COL28A1: variants seen among roughly 807,000 people sequenced by gnomAD.
COL28A1 encodes the protein collagen type XXVIII alpha 1 chain.
COL28A1 carries 161 observed loss-of-function variants against 150.2 expected under a neutral mutation model. The observed-to-expected ratio is 1.07, with a 90% CI of 0.94 to 1.22. The LOEUF (loss-of-function observed/expected upper bound fraction) is 1.22. Ranked by LOEUF, COL28A1 falls within the 50% of genes most tolerant of loss-of-function variation. The pLI, the probability that COL28A1 is intolerant of heterozygous loss-of-function variation, is 0.00. For synonymous variants in COL28A1, 552 were observed against 469.7 expected (o/e 1.18, Z -2.26); for missense variants, 1,617 against 1,388.3 (o/e 1.16, Z -2.62).
intron 18 of COL28A1, among the ~76,000 whole-genome samples, chr7:7,445,299 A>G (rs1786164369): frequency 6.6e-6 from 1 of 152,200 alleles, no homozygotes; most frequent in African/African-American, 2.4e-5. Flanking sequence ...GTGATAAGAG[A>G]GGCAAAGACT....
In COL28A1 at chr7:7,373,832, T is replaced by A. The variant is rs1014075753; in HGVS notation, c.2360-286A>T. Among the ~76,000 whole-genome samples the A allele has an allele frequency of 6.6e-6, 1 of 151,536 alleles. No individual in the cohort carries two copies. The highest frequency in any genetic ancestry group is 1.5e-5 in the Non-Finnish European group (1 of 67,920). Reference sequence around the variant, plus strand: ...CTCCAGCCTCAGCCTCCCGAGTAGCTGGGACTACAGGCGCCCGCCACCTCG... The same window carrying A: ...CTCCAGCCTCAGCCTCCCGAGTAGCAGGGACTACAGGCGCCCGCCACCTCG... On this transcript the variant is annotated intron_variant, in intron 31 of 34. Coordinates refer to ENST00000399429, the MANE Select transcript of COL28A1 (RefSeq NM_001037763.3). The surrounding 1 kb of genome is among the most constrained non-coding windows in gnomAD (Gnocchi z 4.1).
At chr7:7,395,861 T>A (rs1224657426) in intron 27 of COL28A1, among the ~76,000 whole-genome samples, 5 of 152,182 alleles carry the variant, frequency 3.3e-5, no homozygotes, top group African/African-American at 1.2e-4. Context: ...TTATTGCTAA[T>A]TAGGAACCGG....
In COL28A1 at chr7:7,419,909, C is replaced by T. The variant is rs920778611; in HGVS notation, c.2043G>A (p.Arg681=). Reference sequence around the variant, plus strand: ...CCTTTGGCCCTTGGGTTCCTACGCCCCGAGGCCCAGAAGGACCTGGAGGGC... The same window carrying T: ...CCTTTGGCCCTTGGGTTCCTACGCCTCGAGGCCCAGAAGGACCTGGAGGGC... ...VRGPPGPSGP[R]GVGTQGPKGD... The change falls in exon 26 of 35, where the codon CGG becomes CGA. Residue 681 remains arginine, a synonymous_variant. Transcript: ENST00000399429. 1.9e-6 allele frequency: 3 copies of T among 1,602,366 alleles called. No homozygotes were observed. The highest frequency in any genetic ancestry group is 3.4e-5 in the Admixed American group (2 of 58,136).
rs776994658 is a variant in COL28A1, at chr7:7,521,925, G to C, written c.739C>G (p.Pro247Ala). Residue 247 changes from proline (P) to alanine (A), a missense_variant, in exon 5 of 35, where the codon CCA (proline) becomes GCA (alanine). Coordinates refer to ENST00000399429, the MANE Select transcript of COL28A1 (RefSeq NM_001037763.3). ...RKICECEKGD[P>A]GDPGPPGTHG... ...CTCACAGGAGGCCCTGGATCACCTG[G>C]ATCTCCCTTCTCACATTCACAAATC... 2 of 1,153,444 alleles carry C rather than the reference G, an allele frequency of 1.7e-6. No homozygotes were observed. The highest frequency in any genetic ancestry group is 2.6e-6 in the Non-Finnish European group (2 of 758,764). The allele number at this position is 1,153,444 out of a possible 1,614,324, so 71.5% of individuals were successfully genotyped here.
chr7:7,534,262 G>C (rs1050261484), intron 1 of COL28A1, among the ~76,000 whole-genome samples: 2 of 152,016 alleles, frequency 1.3e-5, no homozygotes, highest in African/African-American at 4.8e-5. Flanking sequence ...CCTCAGACAA[G>C]GTATACTAAA....
chr7:7,518,393 GTA>G (rs1336643471), intron 6 of COL28A1, among the ~76,000 whole-genome samples: 6 of 152,158 alleles, frequency 3.9e-5, no homozygotes, highest in Non-Finnish European at 2.9e-5. Flanking sequence ...GCATGTGTGT[GTA>G]TGTTGTAAAG....
intron 24 of COL28A1, 27 bp downstream of exon 24, chr7:7,432,605 G>A (rs1785052516): frequency 3.7e-6 from 6 of 1,613,038 alleles, no homozygotes; most frequent in East Asian, 2.2e-5. Flanking sequence ...AAAAAGGAGG[G>A]AGGGAAGAAA....
chr7:7,339,982 A>G, the COL28A1 span, among the ~76,000 whole-genome samples: 7 of 151,990 alleles, frequency 4.6e-5, no homozygotes, highest in African/African-American at 1.4e-4. Flanking sequence ...TAGTCCTTAC[A>G]TTATTGTTTT....
chr7:7,414,684 C>T (rs956919343), intron 27 of COL28A1, among the ~76,000 whole-genome samples: 1 of 152,180 alleles, frequency 6.6e-6, no homozygotes, highest in African/African-American at 2.4e-5. Flanking sequence ...GAAAGAGAAG[C>T]CCTTCTACTC....
rs747443484 is a variant in COL28A1, at chr7:7,517,787, T to C, written c.855+9A>G. On this transcript the variant is annotated intron_variant, in intron 7 of 34. Coordinates refer to ENST00000399429, the MANE Select transcript of COL28A1 (RefSeq NM_001037763.3). ...CTTTCTTAGGAAGGCATTCCAGTTG[T>C]GTACATACCCCTGGACCTCTTTCTC... 1 of 1,613,592 alleles carries C rather than the reference T, an allele frequency of 6.2e-7. No homozygotes were observed. Among genetic ancestry groups the C allele is most frequent in the Non-Finnish European group, 8.5e-7 (1 of 1,179,658 alleles).
intron 27 of COL28A1, among the ~76,000 whole-genome samples, chr7:7,403,581 G>T (rs1388408026): frequency 1.5e-4 from 23 of 152,150 alleles, no homozygotes; most frequent in Non-Finnish European, 1.0e-4. Context: ...CATTGGTAAG[G>T]AAGTCAGTAA....
At chr7:7,477,071 T>G (rs747311052) in intron 14 of COL28A1, 41 bp downstream of exon 14, 2 of 883,982 alleles carry the variant, frequency 2.3e-6, no homozygotes, top group Non-Finnish European at 3.9e-6. Flanking sequence ...CACGAGCATG[T>G]AAGACAAAGC....
intron 13 of COL28A1, among the ~76,000 whole-genome samples, chr7:7,483,001 A>G (rs982703370): frequency 1.3e-5 from 2 of 152,154 alleles, no homozygotes; most frequent in African/African-American, 4.8e-5. Context: ...TGGAAAATGA[A>G]GACAGAATTA....
chr7:7,395,825 T>C (rs1020222808), intron 27 of COL28A1, among the ~76,000 whole-genome samples: 3 of 152,226 alleles, frequency 2.0e-5, no homozygotes, highest in African/African-American at 7.2e-5. Context: ...TCTCTTCTAG[T>C]TTGCCTGTCC....
In COL28A1 at chr7:7,443,585, C is replaced by G; in HGVS notation, c.1650G>C (p.Lys550Asn). ...GPPGKGQPGP[K>N]GDEGKKGSKG... ...TCCACCAACACTGTCATTTCCATAC[C>G]TTGGGGCCAGGCTGTCCTTTTCCAG... The change falls in exon 20 of 35, where the codon AAG (lysine) becomes AAC (asparagine). Residue 550 changes from lysine (K) to asparagine (N), a missense_variant and splice_region_variant. Coordinates refer to ENST00000399429, the MANE Select transcript of COL28A1 (RefSeq NM_001037763.3). 1 of 1,614,094 alleles carries G rather than the reference C, an allele frequency of 6.2e-7. No individual in the cohort carries two copies. The highest frequency in any genetic ancestry group is 1.1e-5 in the South Asian group (1 of 91,084).
Position 7,432,540 on chromosome 7 carries a change from C to G in COL28A1, c.1931G>C (p.Gly644Ala). 6.2e-7 allele frequency: 1 copy of G among 1,613,978 alleles called. No homozygotes were observed. Among genetic ancestry groups the G allele is most frequent in the Admixed American group, 1.7e-5 (1 of 59,994 alleles). ...AGGGGGTCCTGGTAATCCACGAGGT[C>G]CCTGAGATGACACAGTAAGGGAGGG... ...LKGDGYPGVPGPRGLPGPPGP... is the reference protein window; with the variant it reads ...LKGDGYPGVPAPRGLPGPPGP... Residue 644 changes from glycine to alanine, a missense_variant and splice_region_variant, in exon 25 of 35, where the codon GGA becomes GCA. Physicochemically the swap from Gly to Ala is moderately conservative, Grantham distance 60 (BLOSUM62 0). Coordinates refer to ENST00000399429, the MANE Select transcript of COL28A1 (RefSeq NM_001037763.3).
intron 27 of COL28A1, among the ~76,000 whole-genome samples, chr7:7,389,948 T>C (rs1782437127): frequency 1.3e-5 from 2 of 152,198 alleles, no homozygotes; most frequent in African/African-American, 4.8e-5. Flanking sequence ...TAGGGACAAT[T>C]TGATTTCCTC....
intron 25 of COL28A1, among the ~76,000 whole-genome samples, chr7:7,425,068 T>C (rs191366297): frequency 2.0e-5 from 3 of 152,036 alleles, no homozygotes; most frequent in Admixed American, 2.0e-4. Flanking sequence ...ATTAAAACTA[T>C]TATAATAAAT....
intron 27 of COL28A1, among the ~76,000 whole-genome samples, chr7:7,400,975 G>GGGGGT (rs1160269291): frequency 1.7e-5 from 2 of 119,074 alleles, no homozygotes; most frequent in Non-Finnish European, 3.4e-5. Context: ...TGGGTATTTG[G>GGGGGT]GTGTGTGTGT....
Sources: allele counts gnomAD v4.1 joint callset (sites outside exome capture counted in the v4.1 genomes callset), GRCh38; gene constraint gnomAD v4.1.1; non-coding constraint Gnocchi (gnomAD v3.1); transcripts MANE v1.5; gene names NCBI Gene and HGNC (gene_info 2026-07-23, HGNC 2026-07-21).